The following AFG3L2 variants were observed in gnomAD, a reference collection of about 807,000 sequenced individuals.
The protein encoded by AFG3L2 is mitochondrial inner membrane m-AAA protease component AFG3L2.
Under a neutral mutation model 94.5 loss-of-function variants are expected in AFG3L2, and 54 were observed. The ratio of observed to expected loss-of-function variants is 0.57; its 90% CI spans 0.46 to 0.72. AFG3L2 has a LOEUF of 0.72. AFG3L2 is among the 30% of genes least tolerant of loss of function. The probability of loss-of-function intolerance (pLI) is 0.00; values close to 1 mark genes in which losing one functional copy is unlikely to be tolerated. For synonymous variants in AFG3L2, 377 were observed against 365.5 expected (o/e 1.03, Z -0.36); for missense variants, 754 against 994.9 (o/e 0.76, Z 3.26).
intron 14 of AFG3L2, chr18:12,342,286 G>A (rs780908213): frequency 1.3e-5 from 2 of 152,110 alleles, no homozygotes; most frequent in Non-Finnish European, 1.5e-5. Context: ...GTAGCTCATG[G>A]GTGAATTTGC....
At position 12,329,675 on chromosome 18, in the gene AFG3L2, C is replaced by T; in HGVS notation, c.2284G>A (p.Gly762Ser). 2 of 1,614,168 alleles carry T rather than the reference C, an allele frequency of 1.2e-6. No individual in the cohort carries two copies. Among genetic ancestry groups the T allele is most frequent in the Admixed American group, 1.7e-5 (1 of 60,008 alleles). The change falls in exon 17 of 17, where the codon GGC becomes AGC. Residue 762 changes from glycine (G) to serine (S), a missense_variant. Around this residue, in one of 4 missense-constraint regions of AFG3L2, gnomAD observed 279 missense variants for 378.6 expected, o/e 0.74. Transcript: ENST00000269143. ...EKSTYEEFVE[G>S]TGSLDEDTSL... ...GTGTCCTCATCCAAGCTGCCAGTGC[C>T]TTCCACAAATTCTTCATAGGTAGAT...
chr18:12,330,319 C>A (rs2143076964), intron 16 of AFG3L2, among the ~76,000 whole-genome samples: 1 of 135,438 alleles, frequency 7.4e-6, no homozygotes, highest in Non-Finnish European at 1.6e-5. Context: ...GAGCGAGACT[C>A]CTTCTCAAAA....
At chr18:12,352,964 A>AG (rs1568139896) in intron 10 of AFG3L2, 41 bp downstream of exon 10, 1 of 1,609,788 alleles carries the variant, frequency 6.2e-7, no homozygotes, top group Non-Finnish European at 8.5e-7. Flanking sequence ...AAAAAAAAAA[A>AG]CAAAAGTGCA....
chr18:12,340,842 C>A, intron 14 of AFG3L2: 1 of 179,216 alleles, frequency 5.6e-6, no homozygotes, highest in South Asian at 1.2e-4. Context: ...ATCCTCCTGC[C>A]TCAGCCTCCC....
At chr18:12,355,875 T>C (rs1470197324) in intron 9 of AFG3L2, among the ~76,000 whole-genome samples, 2 of 152,022 alleles carry the variant, frequency 1.3e-5, no homozygotes, top group African/African-American at 2.4e-5. Context: ...TGTTTCACCA[T>C]GTTAGCCAGG....
intron 1 of AFG3L2, among the ~76,000 whole-genome samples, chr18:12,374,823 G>A (rs1227104339): frequency 1.3e-5 from 2 of 152,158 alleles, no homozygotes; most frequent in East Asian, 1.9e-4. Context: ...CACTTTGGGA[G>A]GCCAAATGGA....
At chr18:12,375,404 C>A (rs1283603099) in intron 1 of AFG3L2, among the ~76,000 whole-genome samples, 1 of 139,762 alleles carries the variant, frequency 7.2e-6, no homozygotes, top group Non-Finnish European at 1.5e-5. Context: ...TCACTGAGCC[C>A]AGGTAAGAAA....
intron 7 of AFG3L2, 23 bp downstream of exon 7, chr18:12,359,904 C>T (rs1908606594): frequency 6.2e-7 from 1 of 1,612,046 alleles, no homozygotes; most frequent in East Asian, 2.2e-5. Context: ...CAACAGTCTA[C>T]AAAATATTAT....
chr18:12,347,008 G>T (rs1402596359), intron 13 of AFG3L2, among the ~76,000 whole-genome samples: 1 of 151,726 alleles, frequency 6.6e-6, no homozygotes, highest in African/African-American at 2.4e-5. Flanking sequence ...ATGGTGGCAG[G>T]TGCCTGTAAT....
chr18:12,344,256 A>G lies in AFG3L2; in HGVS notation c.1664-9T>C, dbSNP rs200476229. ...CGTTTTCTTCTCTAAGCCTAACAAA[A>G]TAACAACAAAAAAACCCAAGCCATT... On this transcript the variant is annotated splice_polypyrimidine_tract_variant and intron_variant, in intron 13 of 16. Coordinates refer to ENST00000269143, the MANE Select transcript of AFG3L2 (RefSeq NM_006796.3). 5,193 of 1,610,016 alleles carry G rather than the reference A, an allele frequency of 3.2e-3. 70 individuals carry two copies. Among genetic ancestry groups the G allele is most frequent in the South Asian group, 0.023 (2,130 of 91,004 alleles).
At chr18:12,348,919 A>G (rs1233248765) in intron 12 of AFG3L2, among the ~76,000 whole-genome samples, 1 of 152,270 alleles carries the variant, frequency 6.6e-6, no homozygotes, top group Non-Finnish European at 1.5e-5. Flanking sequence ...AATAAGCTAC[A>G]GCATACCATC....
intron 1 of AFG3L2, among the ~76,000 whole-genome samples, chr18:12,375,967 C>A (rs79819063): frequency 1.7e-3 from 266 of 152,292 alleles, no homozygotes; most frequent in Middle Eastern, 6.8e-3. Flanking sequence ...GGCGAAGAAG[C>A]AAAACCCCGT....
At position 12,340,596 on chromosome 18, in the gene AFG3L2, GT is replaced by G. The variant is rs59938992; in HGVS notation, c.1780-196del. Among the ~76,000 whole-genome samples the G allele has an allele frequency of 0.99, 149,889 of 152,142 alleles. 73,870 individuals carry two copies. Among genetic ancestry groups the G allele is most frequent in the East Asian group, 1 (5,180 of 5,180 alleles). On this transcript the variant is annotated intron_variant, in intron 14 of 16. Transcript: ENST00000269143. ...TCTCAGGATAAGTTCACCTTAGAGT[GT>G]TTTTTTTCTTGAGATTGAGATTGAG... is the stretch of plus-strand genomic sequence containing the variant.
At chr18:12,369,562 C>G (rs969189302) in intron 3 of AFG3L2, among the ~76,000 whole-genome samples, 6 of 151,484 alleles carry the variant, frequency 4.0e-5, no homozygotes, top group African/African-American at 1.2e-4. Context: ...GAAACCTCAT[C>G]TCTTAAAAAT....
At chr18:12,354,456 AG>A (rs1908427356) in intron 9 of AFG3L2, among the ~76,000 whole-genome samples, 1 of 152,056 alleles carries the variant, frequency 6.6e-6, no homozygotes, top group Non-Finnish European at 1.5e-5. Flanking sequence ...CTGCTTGCTG[AG>A]GCTCAGGCCT....
At chr18:12,373,069 A>G (rs1909040608) in intron 1 of AFG3L2, among the ~76,000 whole-genome samples, 1 of 152,248 alleles carries the variant, frequency 6.6e-6, no homozygotes, top group African/African-American at 2.4e-5. Flanking sequence ...CAAATAAAAC[A>G]GAATGAGATG....
In AFG3L2 at chr18:12,356,178, G is replaced by A. The variant is rs567589079; in HGVS notation, c.1164+516C>T. On this transcript the variant is annotated intron_variant, in intron 9 of 16. Transcript: ENST00000269143. Reference sequence around the variant, plus strand: ...ATTTTTTTTTTTTTTTTGAGACAGCGTCTCACTCTGTTGCCCAGGCTGGAA... The same window carrying A: ...ATTTTTTTTTTTTTTTTGAGACAGCATCTCACTCTGTTGCCCAGGCTGGAA... 1.1e-3 allele frequency among the ~76,000 whole-genome samples: 166 copies of A among 146,038 alleles called. 1 individual carries two copies. Among genetic ancestry groups the A allele is most frequent in the Admixed American group, 3.6e-3 (52 of 14,646 alleles).
rs149447896 is a variant in AFG3L2 at position 12,375,743 on chromosome 18, C to T, written c.114+1226G>A. Among the ~76,000 whole-genome samples, 1,080 of 152,302 alleles carry T rather than the reference C, an allele frequency of 7.1e-3. 19 individuals are homozygous for T. Among genetic ancestry groups the T allele is most frequent in the African/African-American group, 0.025 (1,043 of 41,564 alleles). ...TGTATTTTTAGTAGAGATGGGGTTT[C>T]ACCGTGTTAGCCAGGATGATCTCGA... On this transcript the variant is annotated intron_variant, in intron 1 of 16. Transcript: ENST00000269143.
Position 12,377,028 on chromosome 18 carries a change from G to A in AFG3L2, c.55C>T (p.Leu19=), listed in dbSNP as rs901175385. Residue 19 remains leucine (L), a synonymous_variant, in exon 1 of 17, where the codon CTA becomes TTA. Coordinates refer to ENST00000269143, the MANE Select transcript of AFG3L2 (RefSeq NM_006796.3). ...WGRGGCWPRG[L]QQLLVPGGVG... The stretch of plus-strand genomic sequence containing the variant: ...CCGCCAGGCACGAGGAGCTGCTGTA[G>A]GCCGCGGGGCCAGCAGCCGCCCCGG... 6.2e-6 allele frequency: 9 copies of A among 1,444,532 alleles called. No homozygotes were observed. In the East Asian group the frequency reaches 2.7e-4, roughly 44 times the overall value. 89.5% of individuals were successfully genotyped at this position (1,444,532 alleles called of 1,614,324 possible). A position where few individuals can be genotyped will look rare whatever the true frequency, so the allele number is the denominator to read the frequency against.
Sources: gnomAD v4.1 joint callset for allele counts (sites outside exome capture counted in the v4.1 genomes callset) on GRCh38, gnomAD v4.1.1 for gene constraint, gnomAD v4.1.1 regional missense constraint, MANE v1.5 for transcripts, NCBI Gene and HGNC (gene_info 2026-07-23, HGNC 2026-07-21) for gene names.